FSTL5: variants seen among roughly 807,000 people sequenced by gnomAD.
FSTL5 encodes the protein follistatin like 5.
In FSTL5, 62 loss-of-function variants were observed where a neutral mutation model predicts 89.1. That is an observed-to-expected ratio of 0.70 (90% CI 0.57 to 0.86). The LOEUF is 0.86. Ranked by LOEUF, FSTL5 falls within the 40% of genes least tolerant of loss-of-function variation. The pLI, the probability that FSTL5 is intolerant of heterozygous loss-of-function variation, is 0.00. For missense variants in FSTL5, 1,057 were observed against 1,001.6 expected, an observed-to-expected ratio of 1.06 and a Z score of -0.75; for synonymous variants, 383 against 346.2, an observed-to-expected ratio of 1.11 and a Z score of -1.18.
chr4:162,157,158 G>A (rs1009004353), intron 1 of FSTL5, among the ~76,000 whole-genome samples: 1 of 152,114 alleles, frequency 6.6e-6, no homozygotes, highest in Non-Finnish European at 1.5e-5. Context: ...GAAAAATAGA[G>A]AATAGGGAAT....
intron 4 of FSTL5, among the ~76,000 whole-genome samples, chr4:161,803,453 C>T (rs73860778): frequency 0.13 from 19,528 of 151,890 alleles, 2,360 homozygotes; most frequent in African/African-American, 0.31. Context: ...ACTTTTACTA[C>T]ATCACGTAAG....
intron 1 of FSTL5, among the ~76,000 whole-genome samples, chr4:162,119,630 T>C (rs2111429310): frequency 6.6e-6 from 1 of 152,344 alleles, no homozygotes; most frequent in Admixed American, 6.5e-5. Context: ...TCAGGGTAAG[T>C]TGCATATCCA....
At chr4:161,795,683 G>A (rs1394582886) in intron 4 of FSTL5, among the ~76,000 whole-genome samples, 4 of 151,856 alleles carry the variant, frequency 2.6e-5, no homozygotes, top group African/African-American at 7.3e-5. Flanking sequence ...GAGGAAATTC[G>A]GTTTACCCAG....
intron 3 of FSTL5, among the ~76,000 whole-genome samples, chr4:162,001,958 G>T (rs143431022): frequency 2.4e-4 from 37 of 151,994 alleles, no homozygotes; most frequent in African/African-American, 7.2e-4. Context: ...ATAATATAAG[G>T]TTGCAAGGTA....
chr4:161,776,054 C>G lies in FSTL5; in HGVS notation c.430G>C (p.Glu144Gln), dbSNP rs1741398349. The G allele has an allele frequency of 6.4e-7, 1 of 1,556,402 alleles. No individual in the cohort carries two copies. The highest frequency in any genetic ancestry group is 1.8e-5 in the Admixed American group (1 of 55,940). ...AGCATATTTTTCATCTTGCTGTATT[C>G]AGTAGTCTTGCACTTATCTCCTGTA... ...FFKGDKCKTT[E>Q]YSKMKNMLLD... Residue 144 changes from glutamate to glutamine, a missense_variant, in exon 5 of 16, where the codon GAA becomes CAA. This residue lies in a region of FSTL5 where 980 missense variants were observed against 903.2 expected (regional missense o/e 1.08). Coordinates refer to ENST00000306100, the MANE Select transcript of FSTL5 (RefSeq NM_020116.5).
At chr4:161,644,783 G>A (rs1341000190) in intron 7 of FSTL5, among the ~76,000 whole-genome samples, 3 of 152,146 alleles carry the variant, frequency 2.0e-5, no homozygotes, top group African/African-American at 4.8e-5. Flanking sequence ...TAAAGTGCAG[G>A]TTGAAAGCGA....
chr4:161,844,996 A>G (rs1731323814), intron 4 of FSTL5, among the ~76,000 whole-genome samples: 1 of 152,168 alleles, frequency 6.6e-6, no homozygotes, highest in African/African-American at 2.4e-5. Flanking sequence ...AAAAAAAGTT[A>G]GGTGATAATA....
At chr4:162,085,652 T>C (rs1230314863) in intron 2 of FSTL5, among the ~76,000 whole-genome samples, 1 of 151,934 alleles carries the variant, frequency 6.6e-6, no homozygotes, top group Non-Finnish European at 1.5e-5. Context: ...TAACAAGAAA[T>C]GTTATTGAGA....
In FSTL5 at chr4:161,931,038, G is replaced by T. The variant is rs573325706; in HGVS notation, c.161-10386C>A. 3.5e-4 allele frequency among the ~76,000 whole-genome samples: 53 copies of T among 152,024 alleles called. 1 individual carries two copies. Among genetic ancestry groups the T allele is most frequent in the Middle Eastern group, 3.4e-3 (1 of 294 alleles). On this transcript the variant is annotated intron_variant, in intron 3 of 15. Transcript: ENST00000306100. Reference sequence around the variant, plus strand: ...CCAGAAAGCATTCTAAAGAAGAAAAGTCTGGCACTACATAGAAATTAGGGA... The same window carrying T: ...CCAGAAAGCATTCTAAAGAAGAAAATTCTGGCACTACATAGAAATTAGGGA...
chr4:162,007,607 T>C (rs548082826), intron 3 of FSTL5, among the ~76,000 whole-genome samples: 14 of 151,244 alleles, frequency 9.3e-5, no homozygotes, highest in Non-Finnish European at 1.8e-4. Context: ...GAACACAATA[T>C]TTCATCATAT....
intron 1 of FSTL5, among the ~76,000 whole-genome samples, chr4:162,111,917 T>A (rs2111408772): frequency 6.6e-6 from 1 of 152,250 alleles, no homozygotes; most frequent in South Asian, 2.1e-4. Context: ...ACAACAGAAG[T>A]TATGCAGGTG....
intron 13 of FSTL5, among the ~76,000 whole-genome samples, chr4:161,470,373 T>C (rs1003968191): frequency 6.8e-6 from 1 of 147,028 alleles, no homozygotes; most frequent in African/African-American, 2.6e-5. Context: ...CTGAATGGTC[T>C]TGGCACCCTT....
At chr4:161,472,049 T>C (rs1733962356) in intron 13 of FSTL5, among the ~76,000 whole-genome samples, 2 of 151,080 alleles carry the variant, frequency 1.3e-5, no homozygotes, top group Non-Finnish European at 2.9e-5. Flanking sequence ...CGATCTTGGC[T>C]CACCACAAGC....
At chr4:161,403,611 AT>A (rs1380743341) in intron 15 of FSTL5, among the ~76,000 whole-genome samples, 1 of 152,220 alleles carries the variant, frequency 6.6e-6, no homozygotes, top group Non-Finnish European at 1.5e-5. Flanking sequence ...AATTGCACAT[AT>A]GTCTTCTCCA....
intron 4 of FSTL5, among the ~76,000 whole-genome samples, chr4:161,795,083 T>C (rs181583497): frequency 1.0e-3 from 158 of 152,110 alleles, no homozygotes; most frequent in Middle Eastern, 3.4e-3. Flanking sequence ...ATTTATTGAA[T>C]ACCTTAATAT....
chr4:161,647,526 A>C (rs538419435), intron 7 of FSTL5, among the ~76,000 whole-genome samples: 1 of 152,122 alleles, frequency 6.6e-6, no homozygotes, highest in Non-Finnish European at 1.5e-5. Flanking sequence ...CGTTTAAAAA[A>C]AAAAAAGCCA....
At chr4:161,871,556 C>T (rs1732263910) in intron 4 of FSTL5, among the ~76,000 whole-genome samples, 1 of 152,062 alleles carries the variant, frequency 6.6e-6, no homozygotes, top group African/African-American at 2.4e-5. Context: ...TATATTATCA[C>T]ATATAATATT....
intron 9 of FSTL5, among the ~76,000 whole-genome samples, chr4:161,539,739 A>G (rs921587230): frequency 6.6e-6 from 1 of 152,074 alleles, no homozygotes; most frequent in African/African-American, 2.4e-5. Flanking sequence ...AAAAACAAAA[A>G]CAAAAAAACC....
chr4:161,436,169 C>T (rs968647588), intron 15 of FSTL5, among the ~76,000 whole-genome samples: 1 of 152,084 alleles, frequency 6.6e-6, no homozygotes, highest in African/African-American at 2.4e-5. Flanking sequence ...AGGCAGGGGA[C>T]ACAGCAGCAT....
Sources: allele counts gnomAD v4.1 joint callset (sites outside exome capture counted in the v4.1 genomes callset), GRCh38; gene constraint gnomAD v4.1.1; regional missense constraint gnomAD v4.1.1; transcripts MANE v1.5; gene names NCBI Gene and HGNC (gene_info 2026-07-23, HGNC 2026-07-21).